Variants in KCP observed in about 807,000 individuals in gnomAD.
The protein encoded by KCP is kielin/chordin-like protein.
Under a neutral mutation model 212.7 loss-of-function variants are expected in KCP, and 194 were observed. That is an observed-to-expected ratio of 0.91 (90% confidence interval 0.81 to 1.03). The LOEUF (loss-of-function observed/expected upper bound fraction) is 1.03. Among genes scored for constraint, KCP ranks in the 50% least tolerant of loss-of-function variants. The pLI, the probability that KCP is intolerant of heterozygous loss-of-function variation, is 0.00. For missense variants in KCP, 2,080 were observed against 2,162.5 expected (o/e 0.96, Z 0.76); for synonymous variants, 833 against 865.3 (o/e 0.96, Z 0.65).
rs60636713 is a variant in KCP at position 128,906,245 on chromosome 7, C to T, written c.571+34G>A. Reference sequence around the variant, plus strand: ...GTGTCTGTGGGCCAGAGAAGGCAAGCAGGAGGTGGGGCTGAGACTGGCAGG... The same window carrying T: ...GTGTCTGTGGGCCAGAGAAGGCAAGTAGGAGGTGGGGCTGAGACTGGCAGG... On this transcript the variant is annotated intron_variant, in intron 5 of 39. Coordinates refer to ENST00000610776, the MANE Select transcript of KCP (RefSeq NM_001366122.1). 3.7e-3 allele frequency: 5,634 copies of T among 1,509,778 alleles called. 196 individuals are homozygous for T. In the African/African-American group the frequency reaches 0.069, roughly 19 times the overall value. 93.5% of individuals were successfully genotyped at this position (1,509,778 alleles called of 1,614,324 possible).
intron 20 of KCP, 103 bp downstream of exon 20, chr7:128,890,802 G>T: frequency 9.6e-7 from 1 of 1,037,694 alleles, no homozygotes; most frequent in Non-Finnish European, 1.3e-6. Flanking sequence ...GATCCCCGAC[G>T]TGGGCGGAGC....
At chr7:128,887,561 TACAC>T (rs535907018) in intron 22 of KCP, among the ~76,000 whole-genome samples, 34 of 107,226 alleles carry the variant, frequency 3.2e-4, no homozygotes, top group South Asian at 6.0e-4. Context: ...CACTGTCACA[TACAC>T]ACACAGCCCC....
Position 128,908,548 on chromosome 7 carries a change from G to A in KCP, c.97C>T (p.Pro33Ser). 1 of 1,551,132 alleles carries A rather than the reference G, an allele frequency of 6.4e-7. No individual in the cohort carries two copies. ...TGGGCAGTTGTCTGCTGCCCAGGGG[G>A]CTCCCTGGGGACAGCCCCACCTGAA... ...GAEGGAVPRE[P>S]PGQQTTAHSS... Residue 33 changes from proline to serine, a missense_variant, in exon 2 of 40, where the codon CCC (proline) becomes TCC (serine). Transcript: ENST00000610776.
At position 128,886,429 on chromosome 7, in the gene KCP, G is replaced by A. The variant is rs1003595918; in HGVS notation, c.2866+35C>T. On this transcript the variant is annotated intron_variant, in intron 26 of 39. Transcript: ENST00000610776. ...GGACAGAGGGACACAGGGCCAAGGGGCTGAAGCAAGGGGTAGGGCTACAGG... is the reference window on the plus strand; with the variant it reads ...GGACAGAGGGACACAGGGCCAAGGGACTGAAGCAAGGGGTAGGGCTACAGG... 14 of 1,511,624 alleles carry A rather than the reference G, an allele frequency of 9.3e-6. No homozygotes were observed. In the East Asian group the frequency reaches 2.2e-4, roughly 24 times the overall value. 93.6% of individuals were successfully genotyped at this position (1,511,624 alleles called of 1,614,324 possible). A position where few individuals can be genotyped will look rare whatever the true frequency, so the allele number is the denominator to read the frequency against.
intron 17 of KCP, 39 bp from the exon 18 acceptor site, chr7:128,891,572 T>C (rs1398863493): frequency 6.5e-7 from 1 of 1,534,470 alleles, no homozygotes; most frequent in Non-Finnish European, 8.8e-7. Context: ...AGAGGGCGAC[T>C]GCCCCAGGGC....
chr7:128,891,348 A>G (rs912313971), intron 18 of KCP, 70 bp from the exon 19 acceptor site: 43 of 1,546,314 alleles, frequency 2.8e-5, no homozygotes, highest in Non-Finnish European at 3.3e-5. Flanking sequence ...CCTCCCACCC[A>G]GTGCCACCAG....
In KCP at chr7:128,910,691, G is replaced by A. The variant is rs1429811793; in HGVS notation, c.-15C>T. 2.0e-6 allele frequency: 3 copies of A among 1,483,558 alleles called. No homozygotes were observed. The highest frequency in any genetic ancestry group is 4.5e-5 in the Admixed American group (2 of 44,192). The allele number at this position is 1,483,558 out of a possible 1,614,324, so 91.9% of individuals were successfully genotyped here. ...ACCCCGGCCATGCTAGCTCCGCCTC[G>A]CTCGGCTCGCCGTCTGTCGTCGCGG... is the stretch of plus-strand genomic sequence containing the variant. On this transcript the variant is annotated 5_prime_UTR_variant, in exon 1 of 40. Coordinates refer to ENST00000610776, the MANE Select transcript of KCP (RefSeq NM_001366122.1).
intron 8 of KCP, among the ~76,000 whole-genome samples, chr7:128,897,271 A>G (rs1794585290): frequency 6.6e-6 from 1 of 152,174 alleles, no homozygotes; most frequent in Non-Finnish European, 1.5e-5. Flanking sequence ...GTCAGTTACA[A>G]ACTTTGCTGC....
In KCP at chr7:128,891,162, C is replaced by A. The variant is rs536103155; in HGVS notation, c.1972+23G>T. 1,311 of 1,539,782 alleles carry A rather than the reference C, an allele frequency of 8.5e-4. 17 individuals carry two copies. The South Asian group carries it at 0.011, about 13-fold the overall frequency. On this transcript the variant is annotated intron_variant, in intron 19 of 39. Transcript: ENST00000610776. ...CTCCGAGGGGACCCCCAGGGAGGAG[C>A]AGCCGAGGGGTGCGGCCCCTACCTG...
Position 128,877,701 on chromosome 7 carries a change from C to T in KCP, c.4401G>A (p.Glu1467=). The T allele has an allele frequency of 2.6e-6, 4 of 1,551,298 alleles. No homozygotes were observed. Among genetic ancestry groups the T allele is most frequent in the African/African-American group, 1.4e-5 (1 of 73,188 alleles). Residue 1467 remains glutamate, a synonymous_variant, in exon 39 of 40, where the codon GAG becomes GAA. Transcript: ENST00000610776. ...CRAAGYRARR[E]ANARCGVLKS... The stretch of plus-strand genomic sequence containing the variant: ...TCAGCACCCCACACCGGGCATTGGC[C>T]TCACGCCTGGCACGGTAACCTGCTG...
In KCP at chr7:128,877,218, T is replaced by C. The variant is rs566186242; in HGVS notation, c.4712A>G (p.Glu1571Gly). Residue 1571 changes from glutamate to glycine, a missense_variant, in exon 40 of 40, where the codon GAG (glutamate) becomes GGG (glycine). Transcript: ENST00000610776. ...TCFNQHIPLG[E>G]LAAHCVRPCV... The stretch of plus-strand genomic sequence containing the variant: ...GGGCCTCACGCAGTGGGCTGCCAGC[T>C]CCCCCAGGGGGATATGCTGATTGAA... The C allele has an allele frequency of 1.4e-6, 2 of 1,478,204 alleles. No individual in the cohort carries two copies. Among genetic ancestry groups the C allele is most frequent in the Admixed American group, 2.7e-5 (1 of 36,466 alleles). 91.6% of individuals were successfully genotyped at this position (1,478,204 alleles called of 1,614,324 possible).
intron 38 of KCP, among the ~76,000 whole-genome samples, 159 bp downstream of exon 38, chr7:128,878,399 C>T (rs1793116700): frequency 6.6e-6 from 1 of 152,148 alleles, no homozygotes; most frequent in African/African-American, 2.4e-5. Context: ...TCTCCAGCAC[C>T]AAGACAGGCA....
rs151195818 is a variant in KCP, at chr7:128,891,439, G to A, written c.1878+12C>T. ...ACTCCCCTGGGCGCCTCCCACCCAG[G>A]TGCAGACTCACCAGACAGCGACACA... On this transcript the variant is annotated intron_variant, in intron 18 of 39. Transcript: ENST00000610776. 7 of 1,550,090 alleles carry A rather than the reference G, an allele frequency of 4.5e-6. No individual in the cohort carries two copies. The highest frequency in any genetic ancestry group is 1.4e-5 in the African/African-American group (1 of 73,136).
chr7:128,893,207 T>C, intron 13 of KCP, 31 bp downstream of exon 13: 2 of 1,546,266 alleles, frequency 1.3e-6, no homozygotes, highest in East Asian at 2.4e-5. Context: ...GCAGCGCCCA[T>C]AGCAGCTGCT....
chr7:128,903,953 C>T (rs926849315), intron 6 of KCP, 103 bp downstream of exon 6: 35 of 1,367,200 alleles, frequency 2.6e-5, no homozygotes, highest in Middle Eastern at 4.3e-4. Flanking sequence ...CTCCACCTCT[C>T]GGGAGGCATG....
rs745632167 is a variant in KCP at position 128,887,241 on chromosome 7, G to C, written c.2572C>G (p.Pro858Ala). ...SGETLPDPLD[P>A]TCSLCTCQEG... ...TGGCAGGTGCAGAGGGAGCAGGTAG[G>C]GTCAAGTGGGTCAGGAAGGGTCTCT... The change falls in exon 23 of 40, where the codon CCT becomes GCT. Residue 858 changes from proline to alanine, a missense_variant. By Grantham distance (27) the Pro-to-Ala change is conservative. Transcript: ENST00000610776. 1.3e-6 allele frequency: 2 copies of C among 1,551,494 alleles called. No homozygotes were observed. The highest frequency in any genetic ancestry group is 3.9e-5 in the Admixed American group (2 of 50,984).
chr7:128,901,741 G>A (rs1310973514), intron 8 of KCP, among the ~76,000 whole-genome samples: 1 of 152,162 alleles, frequency 6.6e-6, no homozygotes, highest in East Asian at 1.9e-4. Context: ...CCCCTTTCCT[G>A]TAACAATTGC....
At position 128,908,415 on chromosome 7, in the gene KCP, C is replaced by G. The variant is rs1178677808; in HGVS notation, c.219+11G>C. The G allele has an allele frequency of 6.5e-7, 1 of 1,549,424 alleles. No homozygotes were observed. On this transcript the variant is annotated intron_variant, in intron 2 of 39. Coordinates refer to ENST00000610776, the MANE Select transcript of KCP (RefSeq NM_001366122.1). ...CTTACCCAATGCAAACCAGCACTGT[C>G]TCCATGGTACCTGTTCTCTGAGCTC...
At chr7:128,891,882 G>C (rs1031790080) in intron 16 of KCP, 63 bp from the exon 17 acceptor site, 2 of 1,270,564 alleles carry the variant, frequency 1.6e-6, no homozygotes. Context: ...CAGCCCTGGA[G>C]TCCAGAGCCG....
Sources: gnomAD v4.1 joint callset for allele counts (sites outside exome capture counted in the v4.1 genomes callset) on GRCh38, gnomAD v4.1.1 for gene constraint, MANE v1.5 for transcripts, NCBI Gene and HGNC (gene_info 2026-07-23, HGNC 2026-07-21) for gene names.